Variants in PDE9A observed in about 807,000 individuals in gnomAD.
The protein encoded by PDE9A is high affinity cGMP-specific 3',5'-cyclic phosphodiesterase 9A.
PDE9A carries 60 observed loss-of-function variants against 87.4 expected under a neutral mutation model. The ratio of observed to expected loss-of-function variants is 0.69; its 90% CI spans 0.56 to 0.85. The LOEUF (loss-of-function observed/expected upper bound fraction) is 0.85. Among genes scored for constraint, PDE9A ranks in the 40% least tolerant of loss-of-function variants. The pLI is 0.00. For missense variants in PDE9A, 665 were observed against 779.0 expected, an observed-to-expected ratio of 0.85 and a Z score of 1.74; for synonymous variants, 272 against 279.4, an observed-to-expected ratio of 0.97 and a Z score of 0.27.
intron 4 of PDE9A, among the ~76,000 whole-genome samples, chr21:42,703,057 G>A (rs1435261259): frequency 6.6e-6 from 1 of 152,252 alleles, no homozygotes; most frequent in Non-Finnish European, 1.5e-5. Context: ...GGGGGCCATG[G>A]AGGTGATGAG....
At chr21:42,688,133 C>A (rs13047947) in intron 3 of PDE9A, 139 bp downstream of exon 3, 19 of 730,428 alleles carry the variant, frequency 2.6e-5, no homozygotes, top group Non-Finnish European at 3.6e-5. Flanking sequence ...GGGTAGGAGC[C>A]AGTGTGAAGG....
chr21:42,744,432 C>T (rs914171708), intron 8 of PDE9A, among the ~76,000 whole-genome samples: 2 of 152,180 alleles, frequency 1.3e-5, no homozygotes, highest in African/African-American at 4.8e-5. Flanking sequence ...CCTGCAGATC[C>T]AAGCCTTAGG....
At chr21:42,658,161 C>T (rs751676525) in intron 1 of PDE9A, among the ~76,000 whole-genome samples, 6 of 152,184 alleles carry the variant, frequency 3.9e-5, no homozygotes, top group Non-Finnish European at 7.4e-5. Flanking sequence ...CAGGCCTTCT[C>T]GTGATGCTTC....
At chr21:42,655,711 C>G (rs2057010112) in intron 1 of PDE9A, among the ~76,000 whole-genome samples, 1 of 152,208 alleles carries the variant, frequency 6.6e-6, no homozygotes, top group South Asian at 2.1e-4. Context: ...TAAACACTGC[C>G]TGGAACACTG....
At position 42,686,311 on chromosome 21, in the gene PDE9A, G is replaced by C. The variant is rs557643543; in HGVS notation, c.140+49G>C. ...CCCGGTGACGCCACGCGGCCTCCTC[G>C]CCTTTTCGGGATGGCTGGGAGGGGC... On this transcript the variant is annotated intron_variant, in intron 2 of 19. Coordinates refer to ENST00000291539, the MANE Select transcript of PDE9A (RefSeq NM_002606.3). 17 of 1,485,598 alleles carry C rather than the reference G, an allele frequency of 1.1e-5. 1 individual carries two copies. In the South Asian group the frequency reaches 1.9e-4, roughly 17 times the overall value. The allele number at this position is 1,485,598 out of a possible 1,614,324, so 92.0% of individuals were successfully genotyped here.
At chr21:42,743,664 A>T in intron 7 of PDE9A, 112 bp from the exon 8 acceptor site, 2 of 688,228 alleles carry the variant, frequency 2.9e-6, no homozygotes. Flanking sequence ...GGACCTCTGC[A>T]CTGAGGTATA....
intron 4 of PDE9A, among the ~76,000 whole-genome samples, chr21:42,710,805 T>C (rs2049261886): frequency 6.6e-6 from 1 of 152,170 alleles, no homozygotes; most frequent in Non-Finnish European, 1.5e-5. Flanking sequence ...CTGACCAACA[T>C]GGTGAAACCT....
intron 8 of PDE9A, among the ~76,000 whole-genome samples, chr21:42,748,379 G>A (rs902031216): frequency 6.6e-6 from 1 of 152,184 alleles, no homozygotes; most frequent in African/African-American, 2.4e-5. Context: ...ACATCAAACT[G>A]TGGTAGCAAC....
intron 9 of PDE9A, 79 bp downstream of exon 9, chr21:42,751,276 AC>A (rs998848760): frequency 1.9e-6 from 2 of 1,032,852 alleles, no homozygotes; most frequent in Non-Finnish European, 1.5e-6. Context: ...CTGCGGCCAG[AC>A]CCTGCTGTGT....
intron 1 of PDE9A, among the ~76,000 whole-genome samples, chr21:42,666,467 C>T (rs1373790616): frequency 6.6e-6 from 1 of 152,180 alleles, no homozygotes; most frequent in Non-Finnish European, 1.5e-5. Context: ...GCCCCACCCG[C>T]AGCTCCGTCT....
intron 4 of PDE9A, among the ~76,000 whole-genome samples, chr21:42,725,205 G>A (rs1569205015): frequency 6.6e-6 from 1 of 152,006 alleles, no homozygotes; most frequent in African/African-American, 2.4e-5. Context: ...CCTGTCCCCT[G>A]GCAACCAAGA....
intron 1 of PDE9A, among the ~76,000 whole-genome samples, chr21:42,663,222 CCA>C (rs1601887568): frequency 6.7e-6 from 1 of 149,056 alleles, no homozygotes. Flanking sequence ...CACGCACCTA[CCA>C]CACATGCATA....
intron 1 of PDE9A, among the ~76,000 whole-genome samples, chr21:42,662,132 T>A (rs894452469): frequency 6.6e-6 from 1 of 152,152 alleles, no homozygotes; most frequent in African/African-American, 2.4e-5. Flanking sequence ...AAATGCTATA[T>A]AAGTGTTATC....
At chr21:42,731,035 G>A (rs1442156437) in intron 4 of PDE9A, among the ~76,000 whole-genome samples, 3 of 152,120 alleles carry the variant, frequency 2.0e-5, no homozygotes, top group South Asian at 2.1e-4. Context: ...TCAGCTCACC[G>A]CAACCTCTGC....
chr21:42,722,655 G>A lies in PDE9A; in HGVS notation c.263-9115G>A, dbSNP rs574918184. On this transcript the variant is annotated intron_variant, in intron 4 of 19. Coordinates refer to ENST00000291539, the MANE Select transcript of PDE9A (RefSeq NM_002606.3). The surrounding 1 kb of genome is among the most constrained non-coding windows in gnomAD (Gnocchi z 4.1). ...CCATGTGTGCATTCGTTTGCCTAGG[G>A]GAGAAAAGTACACATTCCCATCAGC... Among the ~76,000 whole-genome samples, 137 of 152,290 alleles carry A rather than the reference G, an allele frequency of 9.0e-4. No homozygotes were observed. The highest frequency in any genetic ancestry group is 3.0e-3 in the African/African-American group (125 of 41,546).
intron 13 of PDE9A, 78 bp from the exon 14 acceptor site, chr21:42,762,005 A>G (rs2055832943): frequency 4.2e-6 from 6 of 1,415,606 alleles, no homozygotes; most frequent in Non-Finnish European, 5.8e-6. Flanking sequence ...CTCCACTTAC[A>G]TGGCTGGGTG....
At chr21:42,743,688 G>C (rs1364079958) in intron 7 of PDE9A, 88 bp from the exon 8 acceptor site, 22 of 792,562 alleles carry the variant, frequency 2.8e-5, no homozygotes, top group Non-Finnish European at 3.6e-5. Flanking sequence ...CTCCCTGGGA[G>C]CCACAGGGAG....
Position 42,692,054 on chromosome 21 carries a change from A to AT in PDE9A, c.218+4060_218+4061insT, listed in dbSNP as rs2059874568. ...GCCTCAGTCTGAAGTGATCTCACTT[A>AT]CTTGTTTGAGGTTCTCACTGCTGCT... On this transcript the variant is annotated intron_variant, in intron 3 of 19. Coordinates refer to ENST00000291539, the MANE Select transcript of PDE9A (RefSeq NM_002606.3). The surrounding 1 kb of genome is among the most constrained non-coding windows in gnomAD (Gnocchi z 4.3). Among the ~76,000 whole-genome samples the AT allele has an allele frequency of 6.6e-6, 1 of 152,142 alleles. No homozygotes were observed. Among genetic ancestry groups the AT allele is most frequent in the Non-Finnish European group, 1.5e-5 (1 of 68,032 alleles).
Position 42,686,178 on chromosome 21 carries a change from C to T in PDE9A, c.70-14C>T. On this transcript the variant is annotated splice_polypyrimidine_tract_variant and intron_variant, in intron 1 of 19. Coordinates refer to ENST00000291539, the MANE Select transcript of PDE9A (RefSeq NM_002606.3). Reference sequence around the variant, plus strand: ...CCGCCCTCGCTGCCGCCTCACCGCGCTTCTGTTTTGCAGGTAATCTTCAGC... The same window carrying T: ...CCGCCCTCGCTGCCGCCTCACCGCGTTTCTGTTTTGCAGGTAATCTTCAGC... 16 of 1,612,130 alleles carry T rather than the reference C, an allele frequency of 9.9e-6. No homozygotes were observed. The highest frequency in any genetic ancestry group is 1.4e-5 in the Non-Finnish European group (16 of 1,178,204).
Sources: allele counts gnomAD v4.1 joint callset (sites outside exome capture counted in the v4.1 genomes callset), GRCh38; gene constraint gnomAD v4.1.1; non-coding constraint Gnocchi (gnomAD v3.1); transcripts MANE v1.5; gene names NCBI Gene and HGNC (gene_info 2026-07-23, HGNC 2026-07-21).